QTMAN: variants seen among roughly 807,000 people sequenced by gnomAD.
The protein encoded by QTMAN is queuosine-tRNA mannosyltransferase.
chr2:143,952,034 CT>C, the QTMAN span: 2 of 1,606,096 alleles, frequency 1.2e-6, no homozygotes, highest in Non-Finnish European at 1.7e-6. Context: ...ATTCTGGAGC[CT>C]TTTTGAAAGC....
At chr2:144,165,384 A>C in the QTMAN span, among the ~76,000 whole-genome samples, 3 of 149,526 alleles carry the variant, frequency 2.0e-5, no homozygotes, top group African/African-American at 7.4e-5. Flanking sequence ...AAAATAAATA[A>C]ATAAATATAA....
At chr2:144,216,548 G>A in the QTMAN span, among the ~76,000 whole-genome samples, 1 of 152,146 alleles carries the variant, frequency 6.6e-6, no homozygotes, top group African/African-American at 2.4e-5. Context: ...TATTATTCCT[G>A]AAGTCTAAAC....
At chr2:144,280,858 G>A in the QTMAN span, among the ~76,000 whole-genome samples, 1 of 151,338 alleles carries the variant, frequency 6.6e-6, no homozygotes, top group Non-Finnish European at 1.5e-5. Flanking sequence ...GCAGAAAAAT[G>A]CATATTAAAA....
At chr2:144,031,943 C>T in the QTMAN span, among the ~76,000 whole-genome samples, 1 of 152,008 alleles carries the variant, frequency 6.6e-6, no homozygotes, top group Admixed American at 6.6e-5. Context: ...ACATTAGCGC[C>T]GGCTACTTTT....
the QTMAN span, among the ~76,000 whole-genome samples, chr2:143,988,620 T>C: frequency 6.6e-6 from 1 of 152,232 alleles, no homozygotes; most frequent in Admixed American, 6.5e-5. Flanking sequence ...ACTTAATTTA[T>C]AGAAGAAGAA....
chr2:144,201,345 T>C, the QTMAN span, among the ~76,000 whole-genome samples: 1 of 152,126 alleles, frequency 6.6e-6, no homozygotes, highest in Non-Finnish European at 1.5e-5. Flanking sequence ...AAAAGCTTGA[T>C]GTTTCAAAGT....
At chr2:144,315,560 T>C in the QTMAN span, among the ~76,000 whole-genome samples, 10 of 152,340 alleles carry the variant, frequency 6.6e-5, no homozygotes, top group East Asian at 1.2e-3. Flanking sequence ...CTGGCAGTCT[T>C]TGAGCAGCTC....
At chr2:143,940,837 A>T in the QTMAN span, 4 of 152,250 alleles carry the variant, frequency 2.6e-5, no homozygotes, top group African/African-American at 7.2e-5. Context: ...GGCAATAGAG[A>T]AGAGTCAGTT....
the QTMAN span, among the ~76,000 whole-genome samples, chr2:144,305,522 A>C: frequency 2.0e-5 from 3 of 152,208 alleles, no homozygotes; most frequent in Admixed American, 2.0e-4. Context: ...AAGTTTTGAA[A>C]TCAAGAACTG....
At chr2:144,119,639 T>C in the QTMAN span, among the ~76,000 whole-genome samples, 4 of 152,222 alleles carry the variant, frequency 2.6e-5, no homozygotes, top group African/African-American at 7.2e-5. Flanking sequence ...GTAGGACCTC[T>C]GGCAAGGTGC....
the QTMAN span, among the ~76,000 whole-genome samples, chr2:144,223,881 T>C: frequency 1.2e-4 from 19 of 152,232 alleles, no homozygotes; most frequent in Non-Finnish European, 1.9e-4. Flanking sequence ...AATTCAGTTA[T>C]AGCTTGTACC....
chr2:143,967,893 A>G, the QTMAN span, among the ~76,000 whole-genome samples: 9 of 152,226 alleles, frequency 5.9e-5, no homozygotes, highest in African/African-American at 1.2e-4. Flanking sequence ...GCAATACTGA[A>G]CAGGATTGTT....
the QTMAN span, among the ~76,000 whole-genome samples, chr2:144,213,331 G>GT: frequency 8.8e-3 from 1,335 of 152,176 alleles, 14 homozygotes; most frequent in African/African-American, 0.03. Flanking sequence ...TAGTTGAAAT[G>GT]TTTTTAACAG....
At chr2:144,080,244 C>A in the QTMAN span, among the ~76,000 whole-genome samples, 1 of 152,076 alleles carries the variant, frequency 6.6e-6, no homozygotes, top group Admixed American at 6.5e-5. Context: ...AGCAAAATGT[C>A]TCTATATTTT....
the QTMAN span, among the ~76,000 whole-genome samples, chr2:144,037,340 T>A: frequency 3.9e-5 from 6 of 152,204 alleles, no homozygotes; most frequent in African/African-American, 1.4e-4. Flanking sequence ...GTGGTAAATA[T>A]TTTACTGTCC....
the QTMAN span, among the ~76,000 whole-genome samples, chr2:144,249,024 A>C: frequency 6.6e-6 from 1 of 152,234 alleles, no homozygotes; most frequent in Non-Finnish European, 1.5e-5. Context: ...ACTTACCCAC[A>C]GTTTGACTAT....
At chr2:143,952,876 A>AT in the QTMAN span, 1 of 1,317,862 alleles carries the variant, frequency 7.6e-7, no homozygotes, top group African/African-American at 1.5e-5. Flanking sequence ...GTAAGAATAT[A>AT]TTAAAAAGAC....
the QTMAN span, among the ~76,000 whole-genome samples, chr2:144,118,752 A>G: frequency 2.0e-5 from 3 of 152,080 alleles, no homozygotes; most frequent in African/African-American, 7.2e-5. Context: ...ATGGTGGCGG[A>G]TGCCTGTAGT....
chr2:144,319,431 T>C, the QTMAN span, among the ~76,000 whole-genome samples: 1 of 152,174 alleles, frequency 6.6e-6, no homozygotes, highest in Admixed American at 6.6e-5. Flanking sequence ...GTTTCATAGA[T>C]ATAAGATCTT....
Sources: allele counts gnomAD v4.1 joint callset (sites outside exome capture counted in the v4.1 genomes callset), GRCh38; gene constraint gnomAD v4.1.1; transcripts MANE v1.5; gene names NCBI Gene and HGNC (gene_info 2026-07-23, HGNC 2026-07-21).